Variants in CPAMD8 observed in about 807,000 individuals in gnomAD.
CPAMD8 encodes the protein C3 and PZP like alpha-2-macroglobulin domain containing 8, also known as C3 and PZP-like alpha-2-macroglobulin domain-containing protein 8.
A neutral mutation model predicts 224.7 loss-of-function variants in CPAMD8; 146 were observed. The ratio of observed to expected loss-of-function variants is 0.65; its 90% CI spans 0.57 to 0.75. CPAMD8 has a LOEUF of 0.75. Ranked by LOEUF, CPAMD8 falls within the 30% of genes least tolerant of loss-of-function variation. The pLI, the probability that CPAMD8 is intolerant of heterozygous loss-of-function variation, is 0.00. For synonymous variants in CPAMD8, 966 were observed against 1,044.6 expected (o/e 0.92, Z 1.45); for missense variants, 2,301 against 2,537.5 (o/e 0.91, Z 2.00).
Position 16,897,980 on chromosome 19 carries a change from G to A in CPAMD8, c.4863C>T (p.Cys1621=). ...GAGCACGGAACCGCACGCACGTCAG[G>A]CACCGGCTGGGGATCTGTGGGGCAG... ...LFYFDEIPSR[C]LTCVRFRALR... is the part of the protein sequence containing the mutation. The change falls in exon 38 of 42, where the codon TGC becomes TGT. Residue 1621 remains cysteine, a synonymous_variant. Coordinates refer to ENST00000443236, the MANE Select transcript of CPAMD8 (RefSeq NM_015692.5). 6.2e-7 allele frequency: 1 copy of A among 1,610,654 alleles called. No individual in the cohort carries two copies.
At chr19:16,991,770 G>A (rs369407424) in intron 12 of CPAMD8, among the ~76,000 whole-genome samples, 51 of 151,818 alleles carry the variant, frequency 3.4e-4, no homozygotes, top group Non-Finnish European at 5.9e-4. Flanking sequence ...CAGGATAATC[G>A]CTTGAACCTG....
At chr19:17,025,675 C>T (rs1299563353) in intron 1 of CPAMD8, among the ~76,000 whole-genome samples, 1 of 152,098 alleles carries the variant, frequency 6.6e-6, no homozygotes, top group Non-Finnish European at 1.5e-5. Flanking sequence ...GACAAAAATC[C>T]CCCCCAGGGC....
intron 7 of CPAMD8, among the ~76,000 whole-genome samples, chr19:17,005,570 T>C (rs1403862786): frequency 6.6e-6 from 1 of 151,486 alleles, no homozygotes; most frequent in African/African-American, 2.4e-5. Context: ...CATGGAGGAG[T>C]TGGAAAGGGC....
At chr19:16,908,369 A>G (rs2052603025) in intron 29 of CPAMD8, among the ~76,000 whole-genome samples, 1 of 151,552 alleles carries the variant, frequency 6.6e-6, no homozygotes, top group South Asian at 2.1e-4. Flanking sequence ...TCTTAAAAAA[A>G]AAAAAAATAA....
intron 26 of CPAMD8, among the ~76,000 whole-genome samples, chr19:16,923,011 C>T (rs1317871000): frequency 6.6e-6 from 1 of 152,252 alleles, no homozygotes; most frequent in Non-Finnish European, 1.5e-5. Context: ...GCAGCGCCCT[C>T]TGTCCCCCAC....
chr19:16,977,590 TG>T (rs1823830968), intron 14 of CPAMD8, 50 bp from the exon 15 acceptor site: 7 of 1,429,934 alleles, frequency 4.9e-6, no homozygotes, highest in Non-Finnish European at 6.6e-6. Context: ...GCATCCGACA[TG>T]CAACCTCAGC....
chr19:16,930,255 C>CAA (rs369698394), intron 23 of CPAMD8, among the ~76,000 whole-genome samples: 344 of 126,576 alleles, frequency 2.7e-3, no homozygotes, highest in African/African-American at 9.1e-3. Flanking sequence ...AACTCCATCT[C>CAA]AAAAAAAAAA....
In CPAMD8 at chr19:16,931,974, A is replaced by G. The variant is rs1474394683; in HGVS notation, c.2846-2734T>C. On this transcript the variant is annotated intron_variant, in intron 23 of 41. Transcript: ENST00000443236. ...AAAGCAAATTCAAAAGATTGGAAGAAGCGACTGTTACACCAAACACCAAAC... is the reference window on the plus strand; with the variant it reads ...AAAGCAAATTCAAAAGATTGGAAGAGGCGACTGTTACACCAAACACCAAAC... Among the ~76,000 whole-genome samples the G allele has an allele frequency of 6.6e-5, 10 of 152,244 alleles. No individual in the cohort carries two copies. In the East Asian group the frequency reaches 1.9e-3, roughly 29 times the overall value.
intron 17 of CPAMD8, 88 bp downstream of exon 17, chr19:16,975,009 C>T: frequency 6.8e-7 from 1 of 1,480,730 alleles, no homozygotes; most frequent in Non-Finnish European, 9.0e-7. Flanking sequence ...ATTCTGTTTC[C>T]AACCCATTTC....
chr19:16,962,543 G>A lies in CPAMD8; in HGVS notation c.2214-4628C>T, dbSNP rs541545322. On this transcript the variant is annotated intron_variant, in intron 18 of 41. Coordinates refer to ENST00000443236, the MANE Select transcript of CPAMD8 (RefSeq NM_015692.5). ...GTCTCCAAGAAATATGGGACTATGTGAAAAGACCAAATCTACGTCTGATTG... is the reference window on the plus strand; with the variant it reads ...GTCTCCAAGAAATATGGGACTATGTAAAAAGACCAAATCTACGTCTGATTG... 9.8e-5 allele frequency among the ~76,000 whole-genome samples: 15 copies of A among 152,316 alleles called. No homozygotes were observed. In the South Asian group the frequency reaches 3.1e-3, roughly 32 times the overall value.
chr19:16,933,497 C>A (rs2053602345), intron 23 of CPAMD8, among the ~76,000 whole-genome samples: 1 of 151,908 alleles, frequency 6.6e-6, no homozygotes, highest in African/African-American at 2.4e-5. Flanking sequence ...AAAAAAAGTA[C>A]AACTCAATTT....
intron 10 of CPAMD8, among the ~76,000 whole-genome samples, chr19:16,999,667 A>C (rs756318121): frequency 9.9e-5 from 15 of 152,110 alleles, no homozygotes; most frequent in Non-Finnish European, 1.9e-4. Flanking sequence ...TGATATCTCA[A>C]TAAAATTGTT....
intron 35 of CPAMD8, 143 bp downstream of exon 35, chr19:16,902,506 G>C (rs1411826674): frequency 1.7e-6 from 1 of 604,338 alleles, no homozygotes; most frequent in Non-Finnish European, 3.0e-6. Flanking sequence ...GACAGGGTGA[G>C]ACTCTGTCTC....
intron 13 of CPAMD8, among the ~76,000 whole-genome samples, chr19:16,987,206 A>ATATATG (rs1270399487): frequency 3.1e-5 from 4 of 127,902 alleles, no homozygotes; most frequent in African/African-American, 1.2e-4. Flanking sequence ...ATATATATAT[A>ATATATG]TATGTATATG....
intron 24 of CPAMD8, 75 bp downstream of exon 24, chr19:16,928,867 G>C (rs914356026): frequency 8.1e-7 from 1 of 1,240,228 alleles, no homozygotes; most frequent in African/African-American, 1.5e-5. Flanking sequence ...TCAAAGCCTG[G>C]CACCAAACAG....
chr19:17,002,380 G>A, intron 8 of CPAMD8, 30 bp from the exon 9 acceptor site: 2 of 1,533,106 alleles, frequency 1.3e-6, no homozygotes, highest in Non-Finnish European at 1.8e-6. Flanking sequence ...AGGAGGGGCT[G>A]GCTTCTGTCC....
chr19:16,975,948 GA>G, intron 16 of CPAMD8, 53 bp downstream of exon 16: 1 of 1,442,312 alleles, frequency 6.9e-7, no homozygotes. Context: ...GGGAGAGCAA[GA>G]GAAGGTAAAG....
rs746135724 is a variant in CPAMD8 at position 16,980,567 on chromosome 19, G to A, written c.1515C>T (p.Thr505=). 4 of 1,613,834 alleles carry A rather than the reference G, an allele frequency of 2.5e-6. No individual in the cohort carries two copies. The East Asian group carries it at 6.7e-5, about 27-fold the overall frequency. Residue 505 remains threonine, a synonymous_variant, in exon 14 of 42, where the codon ACC becomes ACT. Transcript: ENST00000443236. ...GGGCCGCCCGCTTGCTTCGCTGCTG[G>A]GTGGTGTGGGCAGGCTGCTGGCCCG... is the stretch of plus-strand genomic sequence containing the variant. ...VLSGQQPAHT[T]QQRSKRAAPA... is the part of the protein sequence containing the mutation.
chr19:16,963,919 C>A (rs1056342134), intron 18 of CPAMD8, among the ~76,000 whole-genome samples: 16 of 152,146 alleles, frequency 1.1e-4, no homozygotes, highest in African/African-American at 3.9e-4. Context: ...GGAAACTGAA[C>A]AACCTGCTCC....
Sources: gnomAD v4.1 joint callset for allele counts (sites outside exome capture counted in the v4.1 genomes callset) on GRCh38, gnomAD v4.1.1 for gene constraint, MANE v1.5 for transcripts, NCBI Gene and HGNC (gene_info 2026-07-23, HGNC 2026-07-21) for gene names.